POU2F1: variants seen among roughly 807,000 people sequenced by gnomAD.
The protein encoded by POU2F1 is POU domain, class 2, transcription factor 1.
Under a neutral mutation model 84.9 loss-of-function variants are expected in POU2F1, and 16 were observed. The ratio of observed to expected loss-of-function variants is 0.19; its 90% CI spans 0.13 to 0.29. POU2F1 has a LOEUF of 0.29. Among genes scored for constraint, POU2F1 ranks in the 10% least tolerant of loss-of-function variants. POU2F1 has a pLI of 1.00. For missense variants in POU2F1, 738 were observed against 942.6 expected, an observed-to-expected ratio of 0.78 and a Z score of 2.84; for synonymous variants, 368 against 368.3, an observed-to-expected ratio of 1.00 and a Z score of 0.01.
intron 1 of POU2F1, among the ~76,000 whole-genome samples, chr1:167,304,786 G>A (rs1382691359): frequency 6.6e-6 from 1 of 152,118 alleles, no homozygotes; most frequent in Non-Finnish European, 1.5e-5. Context: ...GATATTTTCT[G>A]TGACTGAACA....
chr1:167,235,053 C>T (rs965407497), intron 1 of POU2F1, among the ~76,000 whole-genome samples: 10 of 152,092 alleles, frequency 6.6e-5, no homozygotes, highest in African/African-American at 1.9e-4. Context: ...GGAAACATGA[C>T]GGTTGATTAT....
At chr1:167,384,957 T>TA (rs1055672652) in intron 8 of POU2F1, among the ~76,000 whole-genome samples, 1 of 152,068 alleles carries the variant, frequency 6.6e-6, no homozygotes, top group African/African-American at 2.4e-5. Context: ...TAGAAAATCT[T>TA]AAGGAATCTA....
At chr1:167,300,161 A>G (rs187184556) in intron 1 of POU2F1, among the ~76,000 whole-genome samples, 56 of 152,336 alleles carry the variant, frequency 3.7e-4, no homozygotes, top group African/African-American at 1.3e-3. Context: ...TTATTGCAGA[A>G]ACAGAAACCA....
rs1330852559 is a variant in POU2F1, at chr1:167,416,327, G to GT, written c.*519dup. The GT allele has an allele frequency of 2.6e-5, 6 of 231,110 alleles. No homozygotes were observed. The highest frequency in any genetic ancestry group is 5.1e-5 in the Non-Finnish European group (6 of 117,108). The allele number at this position is 231,110 out of a possible 1,614,324, so 14.3% of individuals were successfully genotyped here. On this transcript the variant is annotated 3_prime_UTR_variant, in exon 16 of 16. Coordinates refer to ENST00000367866, the MANE Select transcript of POU2F1 (RefSeq NM_002697.4). ...AGGTGTTTATAATCGTATCAATTGT[G>GT]TTGGGGGTTCCTTTCTTAACTGGTA...
chr1:167,380,470 G>C (rs1413911547), intron 7 of POU2F1: 6 of 152,180 alleles, frequency 3.9e-5, no homozygotes, highest in Non-Finnish European at 7.3e-5. Context: ...GAATCACCTT[G>C]TACCACTGCT....
At chr1:167,298,416 A>G (rs1280645285) in intron 1 of POU2F1, among the ~76,000 whole-genome samples, 1 of 152,158 alleles carries the variant, frequency 6.6e-6, no homozygotes, top group African/African-American at 2.4e-5. Flanking sequence ...ATTTAAGATA[A>G]TAGCAAGCAG....
At chr1:167,391,390 G>A (rs1314375210) in intron 9 of POU2F1, among the ~76,000 whole-genome samples, 2 of 151,796 alleles carry the variant, frequency 1.3e-5, no homozygotes, top group Admixed American at 6.6e-5. Flanking sequence ...TCTTTCCAGG[G>A]AATATAATTT....
At chr1:167,347,890 A>G (rs923870297) in intron 2 of POU2F1, among the ~76,000 whole-genome samples, 5 of 152,318 alleles carry the variant, frequency 3.3e-5, no homozygotes, top group Admixed American at 6.5e-5. Flanking sequence ...GCTGAATGGT[A>G]TTCCATTATA....
chr1:167,381,880 G>A (rs1056019626), intron 7 of POU2F1, among the ~76,000 whole-genome samples: 2 of 151,900 alleles, frequency 1.3e-5, no homozygotes, highest in Non-Finnish European at 2.9e-5. Flanking sequence ...AAAGTGCTGG[G>A]ATTACACACA....
chr1:167,241,419 T>C (rs1649896286), intron 1 of POU2F1: 3 of 152,210 alleles, frequency 2.0e-5, no homozygotes, highest in Admixed American at 6.5e-5. Context: ...ACTACTGGGC[T>C]GTAAACAGTG....
At chr1:167,293,533 G>A (rs896996464) in intron 1 of POU2F1, among the ~76,000 whole-genome samples, 9 of 152,124 alleles carry the variant, frequency 5.9e-5, no homozygotes, top group Non-Finnish European at 1.0e-4. Context: ...AATCAATATT[G>A]TGCCAGTTGA....
At chr1:167,225,355 C>T (rs950713652) in intron 1 of POU2F1, among the ~76,000 whole-genome samples, 1 of 152,112 alleles carries the variant, frequency 6.6e-6, no homozygotes, top group Non-Finnish European at 1.5e-5. Flanking sequence ...AAAAACAAAC[C>T]GTAGCTATTA....
At chr1:167,299,162 T>TTA (rs1401935151) in intron 1 of POU2F1, among the ~76,000 whole-genome samples, 1 of 30,120 alleles carries the variant, frequency 3.3e-5, no homozygotes, top group Admixed American at 5.0e-4. Flanking sequence ...AAACGCCATC[T>TTA]CAAAAAAAAA....
chr1:167,397,455 TAG>T (rs2101909355), intron 10 of POU2F1, among the ~76,000 whole-genome samples: 1 of 152,138 alleles, frequency 6.6e-6, no homozygotes, highest in East Asian at 1.9e-4. Flanking sequence ...AATCCAAACA[TAG>T]TGGTAATATT....
At chr1:167,300,603 T>G (rs1283925940) in intron 1 of POU2F1, among the ~76,000 whole-genome samples, 1 of 152,102 alleles carries the variant, frequency 6.6e-6, no homozygotes, top group Non-Finnish European at 1.5e-5. Context: ...TAGCTGGGAC[T>G]ACAGGTGCAC....
chr1:167,299,163 CA>C (rs71073663), intron 1 of POU2F1, among the ~76,000 whole-genome samples: 2,739 of 96,752 alleles, frequency 0.028, 29 homozygotes, highest in African/African-American at 0.1. Flanking sequence ...AACGCCATCT[CA>C]AAAAAAAAAA....
At position 167,336,229 on chromosome 1, in the gene POU2F1, G is replaced by A. The variant is rs373500683; in HGVS notation, c.127+3694G>A. 3.9e-4 allele frequency among the ~76,000 whole-genome samples: 60 copies of A among 152,222 alleles called. No homozygotes were observed. In the South Asian group the frequency reaches 0.012, roughly 30 times the overall value. ...AAACAATACAGTATAAATCGTAATT[G>A]GATAAAATTAACTGCATTACCTACT... On this transcript the variant is annotated intron_variant, in intron 2 of 15. Transcript: ENST00000367866.
intron 2 of POU2F1, among the ~76,000 whole-genome samples, chr1:167,346,699 C>G (rs1384045204): frequency 6.6e-6 from 1 of 152,202 alleles, no homozygotes; most frequent in African/African-American, 2.4e-5. Flanking sequence ...GGCAATAACG[C>G]TATCTTGCCC....
At chr1:167,403,243 C>G (rs1006549284) in intron 13 of POU2F1, among the ~76,000 whole-genome samples, 2 of 152,126 alleles carry the variant, frequency 1.3e-5, no homozygotes, top group Non-Finnish European at 2.9e-5. Flanking sequence ...TTTATTTTCT[C>G]TTTAAATCCT....
Sources: allele counts gnomAD v4.1 joint callset (sites outside exome capture counted in the v4.1 genomes callset), GRCh38; gene constraint gnomAD v4.1.1; transcripts MANE v1.5; gene names NCBI Gene and HGNC (gene_info 2026-07-23, HGNC 2026-07-21).